PRKG1: variants seen among roughly 807,000 people sequenced by gnomAD.
The protein encoded by PRKG1 is cGMP-dependent protein kinase 1.
Under a neutral mutation model 88.1 loss-of-function variants are expected in PRKG1, and 35 were observed. The ratio of observed to expected loss-of-function variants is 0.40; its 90% CI spans 0.30 to 0.53. PRKG1 has a LOEUF of 0.53. Ranked by LOEUF, PRKG1 falls within the 20% of genes least tolerant of loss-of-function variation. The pLI is 0.59. For synonymous variants in PRKG1, 303 were observed against 292.5 expected (o/e 1.04, Z -0.37); for missense variants, 540 against 839.8 (o/e 0.64, Z 4.41).
At chr10:51,995,942 A>G (rs188573906) in intron 5 of PRKG1, among the ~76,000 whole-genome samples, 96 of 152,348 alleles carry the variant, frequency 6.3e-4, no homozygotes, top group African/African-American at 2.1e-3. Context: ...AGCACAAGCA[A>G]CAAAAGCAAA....
At chr10:51,409,295 G>A (rs2132683516) in intron 2 of PRKG1, among the ~76,000 whole-genome samples, 1 of 152,302 alleles carries the variant, frequency 6.6e-6, no homozygotes, top group East Asian at 1.9e-4. Context: ...GGCTGGGGGA[G>A]AGAAGACAGG....
At chr10:51,595,758 A>G (rs143023122) in intron 3 of PRKG1, among the ~76,000 whole-genome samples, 1 of 152,222 alleles carries the variant, frequency 6.6e-6, no homozygotes, top group Admixed American at 6.6e-5. Context: ...GACCTCCCAG[A>G]CCAGGTCAGA....
chr10:51,435,427 T>TATATATATATATATATGTCATATGAC (rs1554808810), intron 2 of PRKG1, among the ~76,000 whole-genome samples: 26 of 16,578 alleles, frequency 1.6e-3, no homozygotes, highest in South Asian at 3.9e-3. Context: ...ATTACTGACA[T>TATATATATATATATATGTCATATGAC]ATATATATAT....
chr10:51,262,416 G>T (rs1839736012), intron 2 of PRKG1, among the ~76,000 whole-genome samples: 1 of 152,098 alleles, frequency 6.6e-6, no homozygotes, highest in Non-Finnish European at 1.5e-5. Context: ...TTGAGATCTT[G>T]AGTGTTCTCT....
chr10:52,089,341 C>A (rs1459022631), intron 7 of PRKG1, among the ~76,000 whole-genome samples: 1 of 152,158 alleles, frequency 6.6e-6, no homozygotes. Context: ...GTTATCTAAT[C>A]CTGTCTTCTT....
chr10:51,467,923 T>C (rs1446144924), intron 3 of PRKG1, 87 bp downstream of exon 3: 1 of 1,063,890 alleles, frequency 9.4e-7, no homozygotes, highest in Non-Finnish European at 1.4e-6. Flanking sequence ...ATTCATTTAA[T>C]CTTTATACTT....
chr10:51,113,128 A>AT (rs1428644827), intron 1 of PRKG1, among the ~76,000 whole-genome samples: 2 of 152,212 alleles, frequency 1.3e-5, no homozygotes, highest in Non-Finnish European at 2.9e-5. Context: ...TGCTTTTCTG[A>AT]TATGCATCGC....
chr10:51,257,692 T>C (rs1839600956), intron 2 of PRKG1, among the ~76,000 whole-genome samples: 1 of 150,070 alleles, frequency 6.7e-6, no homozygotes, highest in Non-Finnish European at 1.5e-5. Context: ...GAAAGCTCAT[T>C]TTTTTTTTTC....
intron 5 of PRKG1, among the ~76,000 whole-genome samples, chr10:52,008,784 C>A (rs1331288742): frequency 1.3e-5 from 2 of 151,934 alleles, no homozygotes; most frequent in African/African-American, 4.8e-5. Context: ...AAATCCTCAG[C>A]AAAATACTAG....
At chr10:51,950,908 C>T (rs1319700369) in intron 5 of PRKG1, among the ~76,000 whole-genome samples, 2 of 152,222 alleles carry the variant, frequency 1.3e-5, no homozygotes, top group Non-Finnish European at 2.9e-5. Context: ...GATGAAATAA[C>T]TTTCTGCAGA....
chr10:51,714,002 C>T (rs978945969), intron 3 of PRKG1, among the ~76,000 whole-genome samples: 8 of 151,824 alleles, frequency 5.3e-5, no homozygotes, highest in African/African-American at 9.7e-5. Context: ...TTTTTTGAGA[C>T]GGAGTCTCAC....
rs1842333762 is a variant in PRKG1 at position 52,294,164 on chromosome 10, T to C, written c.*264T>C. On this transcript the variant is annotated 3_prime_UTR_variant, in exon 18 of 18. Coordinates refer to ENST00000373980, the MANE Select transcript of PRKG1 (RefSeq NM_006258.4). ...CCTTTCACCAGTAAAAGATGTTTTCTATTGTTGCAATGACCTTGCTTTGCT... is the reference window on the plus strand; with the variant it reads ...CCTTTCACCAGTAAAAGATGTTTTCCATTGTTGCAATGACCTTGCTTTGCT... 2.8e-6 allele frequency: 1 copy of C among 359,838 alleles called. No individual in the cohort carries two copies. The highest frequency in any genetic ancestry group is 4.4e-5 in the Admixed American group (1 of 22,900). 22.3% of individuals were successfully genotyped at this position (359,838 alleles called of 1,614,324 possible).
chr10:51,451,023 G>C (rs963562574), intron 2 of PRKG1, among the ~76,000 whole-genome samples: 4 of 151,872 alleles, frequency 2.6e-5, no homozygotes, highest in Non-Finnish European at 4.4e-5. Context: ...GAAGTCTGCT[G>C]TGTATGGACC....
At chr10:51,813,808 T>C (rs899331288) in intron 4 of PRKG1, among the ~76,000 whole-genome samples, 11 of 152,124 alleles carry the variant, frequency 7.2e-5, no homozygotes, top group African/African-American at 2.7e-4. Flanking sequence ...ATTCACCATA[T>C]TTTTCTCTCT....
chr10:51,941,865 TG>T (rs1842916774), intron 5 of PRKG1, among the ~76,000 whole-genome samples: 1 of 151,992 alleles, frequency 6.6e-6, no homozygotes, highest in Non-Finnish European at 1.5e-5. Context: ...GTTGGACATT[TG>T]GGTTGGTTCC....
chr10:51,246,819 T>G (rs1839304712), intron 2 of PRKG1, among the ~76,000 whole-genome samples: 1 of 152,008 alleles, frequency 6.6e-6, no homozygotes, highest in Admixed American at 6.6e-5. Flanking sequence ...TTCACTGCTA[T>G]TCAGCCCCTT....
intron 3 of PRKG1, among the ~76,000 whole-genome samples, chr10:51,732,817 A>G (rs148024929): frequency 1.6e-4 from 25 of 152,278 alleles, no homozygotes; most frequent in African/African-American, 5.5e-4. Context: ...AAGCTAGGCT[A>G]TCTTACTAGA....
chr10:51,820,375 G>A (rs1414933470), intron 4 of PRKG1, among the ~76,000 whole-genome samples: 1 of 152,122 alleles, frequency 6.6e-6, no homozygotes, highest in Non-Finnish European at 1.5e-5. Context: ...TGTGAGACCA[G>A]GGGATAGGGT....
chr10:51,122,808 T>G (rs1230929697), intron 1 of PRKG1, among the ~76,000 whole-genome samples: 2 of 152,212 alleles, frequency 1.3e-5, no homozygotes, highest in African/African-American at 4.8e-5. Flanking sequence ...ATCGTGTCAC[T>G]GTGCATACTA....
Sources: allele counts gnomAD v4.1 joint callset (sites outside exome capture counted in the v4.1 genomes callset), GRCh38; gene constraint gnomAD v4.1.1; transcripts MANE v1.5; gene names NCBI Gene and HGNC (gene_info 2026-07-23, HGNC 2026-07-21).